RBMS2: variants seen among roughly 807,000 people sequenced by gnomAD.
RBMS2 encodes the protein RNA binding motif single stranded interacting protein 2, also known as RNA-binding motif, single-stranded-interacting protein 2.
Under a neutral mutation model 58.4 loss-of-function variants are expected in RBMS2, and 38 were observed. The ratio of observed to expected loss-of-function variants is 0.65; its 90% CI spans 0.50 to 0.85. The LOEUF is 0.85. Ranked by LOEUF, RBMS2 falls within the 40% of genes least tolerant of loss-of-function variation. The pLI, the probability that RBMS2 is intolerant of heterozygous loss-of-function variation, is 0.00. For synonymous variants in RBMS2, 151 were observed against 180.7 expected (o/e 0.84, Z 1.32); for missense variants, 367 against 503.7 (o/e 0.73, Z 2.60).
At chr12:56,559,487 A>G (rs1488007964) in intron 1 of RBMS2, among the ~76,000 whole-genome samples, 1 of 150,054 alleles carries the variant, frequency 6.7e-6, no homozygotes, top group African/African-American at 2.4e-5. Context: ...TGCCCGGCCA[A>G]GAAGGACATA....
At chr12:56,547,538 CCTTT>C (rs1356582034) in intron 1 of RBMS2, among the ~76,000 whole-genome samples, 1 of 152,028 alleles carries the variant, frequency 6.6e-6, no homozygotes, top group Non-Finnish European at 1.5e-5. Context: ...CTCTGCTTAT[CCTTT>C]CAAGGCCCAA....
At chr12:56,562,638 A>C (rs1483046007) in intron 2 of RBMS2, 55 bp downstream of exon 2, 1 of 1,542,814 alleles carries the variant, frequency 6.5e-7, no homozygotes, top group Non-Finnish European at 8.9e-7. Context: ...TTTGGTTTTG[A>C]GACAGGGTCT....
At chr12:56,568,339 A>ACC (rs1881712574) in intron 2 of RBMS2, among the ~76,000 whole-genome samples, 1 of 151,934 alleles carries the variant, frequency 6.6e-6, no homozygotes, top group Non-Finnish European at 1.5e-5. Flanking sequence ...GCCTCTACAC[A>ACC]CTCTTTCGTG....
In RBMS2 at chr12:56,524,187, A is replaced by C. The variant is rs147429579; in HGVS notation, c.66+2098A>C. Among the ~76,000 whole-genome samples the C allele has an allele frequency of 4.3e-3, 648 of 152,246 alleles. 5 individuals are homozygous for C. The highest frequency in any genetic ancestry group is 0.015 in the African/African-American group (624 of 41,538). Reference sequence around the variant, plus strand: ...AGGTATGGTTGTGGGTTTGGGTTGAAATCTCTTAGTAAGGTTTGACAATTC... The same window carrying C: ...AGGTATGGTTGTGGGTTTGGGTTGACATCTCTTAGTAAGGTTTGACAATTC... On this transcript the variant is annotated intron_variant, in intron 1 of 13. Transcript: ENST00000262031.
intron 5 of RBMS2, among the ~76,000 whole-genome samples, chr12:56,572,288 CAAAA>C (rs34385329): frequency 6.8e-5 from 5 of 73,078 alleles, no homozygotes; most frequent in Admixed American, 1.5e-4. Flanking sequence ...GACTCTGTCT[CAAAA>C]AAAAAAAAAA....
chr12:56,571,546 G>A (rs1882296250), intron 4 of RBMS2, 152 bp from the exon 5 acceptor site: 1 of 721,394 alleles, frequency 1.4e-6, no homozygotes, highest in Non-Finnish European at 2.1e-6. Context: ...ACAACCCGTG[G>A]TAGTGGGACT....
chr12:56,555,357 T>C (rs1879040963), intron 1 of RBMS2, among the ~76,000 whole-genome samples: 1 of 151,402 alleles, frequency 6.6e-6, no homozygotes, highest in African/African-American at 2.4e-5. Flanking sequence ...GGAGAATCAC[T>C]TGAACCCAGG....
chr12:56,542,304 A>T (rs1435875513), intron 1 of RBMS2, among the ~76,000 whole-genome samples: 1 of 150,372 alleles, frequency 6.7e-6, no homozygotes, highest in South Asian at 2.1e-4. Flanking sequence ...GGCTCAAGGG[A>T]TCTTCCCACC....
chr12:56,522,562 A>G (rs1291608322), intron 1 of RBMS2, among the ~76,000 whole-genome samples: 3 of 152,132 alleles, frequency 2.0e-5, no homozygotes, highest in South Asian at 2.1e-4. Flanking sequence ...AGAAACCACA[A>G]CAGTTTATCA....
chr12:56,568,902 A>G, intron 2 of RBMS2, 73 bp from the exon 3 acceptor site: 1 of 1,263,420 alleles, frequency 7.9e-7, no homozygotes, highest in South Asian at 1.2e-5. Context: ...GGATTTGTTG[A>G]GATGTCTGAA....
At position 56,587,547 on chromosome 12, in the gene RBMS2, C is replaced by G. The variant is rs745511830; in HGVS notation, c.952-7C>G. ...CAGCTAACCCTGTCCTTTGTTGCTG[C>G]CTCTAGGGTTCAGTTCTGACACCAG... On this transcript the variant is annotated splice_region_variant and splice_polypyrimidine_tract_variant and intron_variant, in intron 10 of 13. Transcript: ENST00000262031. The G allele has an allele frequency of 9.3e-6, 15 of 1,612,638 alleles. No individual in the cohort carries two copies. In the East Asian group the frequency reaches 3.3e-4, roughly 36 times the overall value.
intron 1 of RBMS2, among the ~76,000 whole-genome samples, chr12:56,544,754 A>ATTTTTTTTTTTTTTT (rs537510847): frequency 1.7e-5 from 2 of 116,076 alleles, no homozygotes; most frequent in Non-Finnish European, 1.7e-5. Flanking sequence ...CTAATTTTTA[A>ATTTTTTTTTTTTTTT]TTTTTTTTTT....
chr12:56,553,594 C>G (rs1278419475), intron 1 of RBMS2, among the ~76,000 whole-genome samples: 1 of 151,888 alleles, frequency 6.6e-6, no homozygotes, highest in Non-Finnish European at 1.5e-5. Flanking sequence ...TCCTAAAGTG[C>G]TAGGATTACA....
chr12:56,581,277 G>A lies in RBMS2; in HGVS notation c.622+14G>A. 6.3e-7 allele frequency: 1 copy of A among 1,592,016 alleles called. No individual in the cohort carries two copies. The highest frequency in any genetic ancestry group is 8.6e-7 in the Non-Finnish European group (1 of 1,159,954). On this transcript the variant is annotated intron_variant, in intron 6 of 13. Coordinates refer to ENST00000262031, the MANE Select transcript of RBMS2 (RefSeq NM_002898.4). ...CTGGAGTACCAGGTGAGGCATCTGGGGCTCAGGCTGAGAGGGCCACAGGTT... is the reference window on the plus strand; with the variant it reads ...CTGGAGTACCAGGTGAGGCATCTGGAGCTCAGGCTGAGAGGGCCACAGGTT...
chr12:56,565,273 G>A (rs1371294762), intron 2 of RBMS2, among the ~76,000 whole-genome samples: 18 of 152,070 alleles, frequency 1.2e-4, no homozygotes. Flanking sequence ...ACATGTGCAG[G>A]TTTGTTACAT....
At chr12:56,570,958 G>A (rs1295915755) in intron 4 of RBMS2, among the ~76,000 whole-genome samples, 1 of 152,146 alleles carries the variant, frequency 6.6e-6, no homozygotes, top group Non-Finnish European at 1.5e-5. Flanking sequence ...TTTCTGTAAT[G>A]GTTAAAGAAA....
In RBMS2 at chr12:56,588,937, C is replaced by G; in HGVS notation, c.1149C>G (p.Ser383Arg). 6.2e-7 allele frequency: 1 copy of G among 1,614,150 alleles called. No homozygotes were observed. The highest frequency in any genetic ancestry group is 2.2e-5 in the East Asian group (1 of 44,874). ...CCTCCTTGGCTATGGCACAGGAGAG[C>G]AGCGGCCAACAGAACCAAGTGGCAG... ...VPSSSVSVEE[S>R]SGQQNQVAVD... Residue 383 changes from serine to arginine, a missense_variant, in exon 13 of 14, where the codon AGC becomes AGG. By Grantham distance (110) the Ser-to-Arg change is moderately radical. Transcript: ENST00000262031.
intron 1 of RBMS2, among the ~76,000 whole-genome samples, chr12:56,546,146 C>G (rs1877136987): frequency 6.7e-6 from 1 of 150,028 alleles, no homozygotes; most frequent in Non-Finnish European, 1.5e-5. Context: ...GAGACAGAGT[C>G]TTGCTCTGTC....
At chr12:56,522,161 C>T in intron 1 of RBMS2, 72 bp downstream of exon 1, 2 of 1,293,938 alleles carry the variant, frequency 1.5e-6, no homozygotes, top group South Asian at 2.5e-5. Flanking sequence ...TTGGTTTTTA[C>T]ATTCTTTTTA....
Sources: gnomAD v4.1 joint callset for allele counts (sites outside exome capture counted in the v4.1 genomes callset) on GRCh38, gnomAD v4.1.1 for gene constraint, MANE v1.5 for transcripts, NCBI Gene and HGNC (gene_info 2026-07-23, HGNC 2026-07-21) for gene names.